TAFA2: variants seen among roughly 807,000 people sequenced by gnomAD.
The protein encoded by TAFA2 is TAFA chemokine like family member 2.
Under a neutral mutation model 18.8 loss-of-function variants are expected in TAFA2, and 7 were observed. The ratio of observed to expected loss-of-function variants is 0.37; its 90% CI spans 0.21 to 0.70. The LOEUF is 0.70. Ranked by LOEUF, TAFA2 falls within the 30% of genes least tolerant of loss-of-function variation. The pLI, the probability that TAFA2 is intolerant of heterozygous loss-of-function variation, is 0.53. For missense variants in TAFA2, 122 were observed against 158.1 expected, an observed-to-expected ratio of 0.77 and a Z score of 1.23; for synonymous variants, 60 against 54.2, an observed-to-expected ratio of 1.11 and a Z score of -0.47.
At chr12:61,796,523 G>A (rs1012297561) in intron 2 of TAFA2, among the ~76,000 whole-genome samples, 2 of 152,026 alleles carry the variant, frequency 1.3e-5, no homozygotes, top group African/African-American at 2.4e-5. Context: ...ATGGTTGCCC[G>A]TGAATTGGGA....
intron 1 of TAFA2, among the ~76,000 whole-genome samples, chr12:62,125,083 TAGAA>T (rs1870394879): frequency 6.6e-6 from 1 of 151,988 alleles, no homozygotes; most frequent in Non-Finnish European, 1.5e-5. Context: ...TTCATGTACA[TAGAA>T]AGAGGTTGGG....
At chr12:62,063,262 T>C (rs1427905353) in intron 1 of TAFA2, among the ~76,000 whole-genome samples, 1 of 152,212 alleles carries the variant, frequency 6.6e-6, no homozygotes, top group Admixed American at 6.5e-5. Flanking sequence ...AATCTCTTAC[T>C]ATTAAATATT....
At chr12:61,766,180 C>T (rs1163978359) in intron 2 of TAFA2, among the ~76,000 whole-genome samples, 1 of 152,076 alleles carries the variant, frequency 6.6e-6, no homozygotes, top group East Asian at 1.9e-4. Flanking sequence ...ACACATACTA[C>T]CATGGAAGAT....
At chr12:61,819,620 G>A (rs1869890) in intron 2 of TAFA2, among the ~76,000 whole-genome samples, 53,615 of 151,918 alleles carry the variant, frequency 0.35, 9,673 homozygotes, top group East Asian at 0.43. Flanking sequence ...ATCTTTGCTC[G>A]TTTTTCCTCT....
chr12:61,861,261 T>TA (rs1214172916), intron 2 of TAFA2, among the ~76,000 whole-genome samples: 1 of 149,206 alleles, frequency 6.7e-6, no homozygotes, highest in African/African-American at 2.5e-5. Context: ...CTCGCCTTTT[T>TA]TTTTTTTTTT....
chr12:61,957,259 T>C (rs983979789), intron 1 of TAFA2, among the ~76,000 whole-genome samples: 2 of 152,104 alleles, frequency 1.3e-5, no homozygotes, highest in Admixed American at 6.6e-5. Context: ...CCTAATTCTG[T>C]CCAGAATAGC....
intron 1 of TAFA2, among the ~76,000 whole-genome samples, chr12:62,244,322 T>C (rs573258140): frequency 2.6e-4 from 40 of 151,662 alleles, no homozygotes; most frequent in Admixed American, 1.2e-3. Context: ...ATATATATTA[T>C]AGTTACATAC....
At chr12:62,096,511 TC>T (rs1592332818) in intron 1 of TAFA2, among the ~76,000 whole-genome samples, 1 of 152,146 alleles carries the variant, frequency 6.6e-6, no homozygotes, top group East Asian at 1.9e-4. Flanking sequence ...AGGTCTGGTT[TC>T]TTAAAAAAGG....
intron 2 of TAFA2, among the ~76,000 whole-genome samples, chr12:61,761,192 C>T (rs2120790991): frequency 6.6e-6 from 1 of 152,016 alleles, no homozygotes; most frequent in South Asian, 2.1e-4. Context: ...AAACGAAGTC[C>T]CATAGGCATT....
At chr12:62,023,337 G>A (rs1442568560) in intron 1 of TAFA2, among the ~76,000 whole-genome samples, 2 of 149,186 alleles carry the variant, frequency 1.3e-5, no homozygotes, top group Admixed American at 1.4e-4. Flanking sequence ...TATAAAAGGT[G>A]CAGGAAATTT....
chr12:62,212,862 C>T (rs2062719870), intron 1 of TAFA2, among the ~76,000 whole-genome samples: 1 of 152,106 alleles, frequency 6.6e-6, no homozygotes, highest in South Asian at 2.1e-4. Context: ...CACCTAACCA[C>T]ATGAATCCAA....
At chr12:61,713,854 A>G (rs1469666742) in intron 4 of TAFA2, among the ~76,000 whole-genome samples, 1 of 152,216 alleles carries the variant, frequency 6.6e-6, no homozygotes, top group Non-Finnish European at 1.5e-5. Context: ...CCTAAACTGG[A>G]ACACCCTGAT....
At chr12:61,879,387 T>C in intron 1 of TAFA2, 1 of 755,802 alleles carries the variant, frequency 1.3e-6, no homozygotes, top group African/African-American at 1.7e-5. Flanking sequence ...CAGCAGCCGC[T>C]TCCTACACGA....
At chr12:61,892,018 T>C (rs971345095) in intron 1 of TAFA2, among the ~76,000 whole-genome samples, 2 of 150,902 alleles carry the variant, frequency 1.3e-5, no homozygotes, top group African/African-American at 4.9e-5. Context: ...GTAGCAGAAG[T>C]AGGGGGAACA....
At position 62,235,708 on chromosome 12, in the gene TAFA2, T is replaced by C. The variant is rs539082349; in HGVS notation, c.-130+23055A>G. Among the ~76,000 whole-genome samples the C allele has an allele frequency of 2.6e-5, 4 of 152,328 alleles. No individual in the cohort carries two copies. In the South Asian group the frequency reaches 8.3e-4, roughly 32 times the overall value. On this transcript the variant is annotated intron_variant, in intron 1 of 5. Coordinates refer to the TAFA2 transcript ENST00000551619. ...GTAATATGTTTAAATTTGTTGCTTT[T>C]TATTTTTAGTGGATCTATTTTAGGT...
chr12:62,064,759 T>C (rs1882443320), intron 1 of TAFA2, among the ~76,000 whole-genome samples: 1 of 152,088 alleles, frequency 6.6e-6, no homozygotes, highest in Non-Finnish European at 1.5e-5. Flanking sequence ...TAGTTCACTA[T>C]GTATTAATCC....
intron 4 of TAFA2, among the ~76,000 whole-genome samples, chr12:61,728,032 G>GTTT (rs71083954): frequency 1.0e-4 from 13 of 128,470 alleles, no homozygotes; most frequent in East Asian, 4.6e-4. Flanking sequence ...TTTGAGGGTT[G>GTTT]TTTTTTTTTT....
chr12:62,186,883 C>T (rs2062589778), intron 1 of TAFA2, among the ~76,000 whole-genome samples: 1 of 152,058 alleles, frequency 6.6e-6, no homozygotes, highest in Non-Finnish European at 1.5e-5. Flanking sequence ...ATGGCAATAC[C>T]AATCAATTGC....
chr12:62,146,150 T>C (rs1007003218), intron 1 of TAFA2, among the ~76,000 whole-genome samples: 1 of 152,128 alleles, frequency 6.6e-6, no homozygotes, highest in Non-Finnish European at 1.5e-5. Context: ...ATCCCTCAAG[T>C]TTCTGTGAAG....
Sources: gnomAD v4.1 joint callset for allele counts (sites outside exome capture counted in the v4.1 genomes callset) on GRCh38, gnomAD v4.1.1 for gene constraint, MANE v1.5 for transcripts, NCBI Gene and HGNC (gene_info 2026-07-23, HGNC 2026-07-21) for gene names.